The following MACROD2 variants were observed in gnomAD, a reference collection of about 807,000 sequenced individuals.
MACROD2 encodes ADP-ribose glycohydrolase MACROD2.
MACROD2 carries 36 observed loss-of-function variants against 70.4 expected under a neutral mutation model. The observed-to-expected ratio is 0.51, with a 90% CI of 0.39 to 0.68. The LOEUF is 0.68. MACROD2 is among the 30% of genes least tolerant of loss of function. MACROD2 has a pLI of 0.00. For missense variants in MACROD2, 496 were observed against 538.4 expected (o/e 0.92, Z 0.78); for synonymous variants, 172 against 178.8 (o/e 0.96, Z 0.30).
chr20:15,620,693 C>G (rs544202376), intron 8 of MACROD2, among the ~76,000 whole-genome samples: 1 of 152,138 alleles, frequency 6.6e-6, no homozygotes, highest in Admixed American at 6.5e-5. Context: ...TACAGAGACT[C>G]CAGAGAGAAC....
chr20:14,515,391 T>C (rs1202335144), intron 4 of MACROD2, among the ~76,000 whole-genome samples: 1 of 150,656 alleles, frequency 6.6e-6, no homozygotes, highest in African/African-American at 2.4e-5. Flanking sequence ...ATTATTCACA[T>C]AGCCAAGATA....
rs182420492 is a variant in MACROD2 at position 15,244,558 on chromosome 20, A to G, written c.540+14497A>G. Among the ~76,000 whole-genome samples, 303 of 152,168 alleles carry G rather than the reference A, an allele frequency of 2.0e-3. 1 individual carries two copies. The highest frequency in any genetic ancestry group is 6.0e-3 in the African/African-American group (251 of 41,550). On this transcript the variant is annotated intron_variant, in intron 6 of 17. Transcript: ENST00000684519. ...CCTGCACCCCAGATTGCTGTTTTTT[A>G]TGGTTGAATAGGCAGACACTTCTTT...
intron 4 of MACROD2, among the ~76,000 whole-genome samples, chr20:14,502,970 A>G (rs1359752736): frequency 6.6e-6 from 1 of 152,228 alleles, no homozygotes; most frequent in Non-Finnish European, 1.5e-5. Context: ...ATACTAGAGT[A>G]TGAGGAATTC....
intron 12 of MACROD2, among the ~76,000 whole-genome samples, chr20:15,939,791 G>A (rs2065723412): frequency 6.6e-6 from 1 of 152,104 alleles, no homozygotes; most frequent in Non-Finnish European, 1.5e-5. Flanking sequence ...TATTCTAGAT[G>A]ACATTAAGAA....
intron 3 of MACROD2, among the ~76,000 whole-genome samples, chr20:14,470,348 T>C (rs1290295872): frequency 6.6e-6 from 1 of 152,044 alleles, no homozygotes; most frequent in Non-Finnish European, 1.5e-5. Context: ...AGCTCTCCTA[T>C]ATGAGATGTC....
intron 9 of MACROD2, among the ~76,000 whole-genome samples, chr20:15,866,966 C>T (rs1177581713): frequency 1.3e-5 from 2 of 152,136 alleles, no homozygotes; most frequent in African/African-American, 4.8e-5. Context: ...CAAAGTACCA[C>T]AGAGCAGGCG....
At chr20:15,215,159 T>G (rs2076798550) in intron 5 of MACROD2, among the ~76,000 whole-genome samples, 1 of 152,062 alleles carries the variant, frequency 6.6e-6, no homozygotes, top group Non-Finnish European at 1.5e-5. Context: ...CTTAAAACAA[T>G]GCTGTCATCA....
intron 3 of MACROD2, among the ~76,000 whole-genome samples, chr20:14,088,717 C>T (rs1430631012): frequency 6.6e-6 from 1 of 152,186 alleles, no homozygotes; most frequent in African/African-American, 2.4e-5. Context: ...GGAAGCCACA[C>T]ACTAGTGCCA....
chr20:16,001,348 G>T (rs1290683789), intron 15 of MACROD2, among the ~76,000 whole-genome samples: 1 of 152,138 alleles, frequency 6.6e-6, no homozygotes, highest in Non-Finnish European at 1.5e-5. Context: ...TTTATTTTAT[G>T]ACATCTGCTG....
At chr20:15,853,374 C>T (rs2064321634) in intron 8 of MACROD2, among the ~76,000 whole-genome samples, 1 of 152,074 alleles carries the variant, frequency 6.6e-6, no homozygotes, top group African/African-American at 2.4e-5. Flanking sequence ...GTACACAGAC[C>T]TCCCAATTTT....
chr20:15,937,038 C>T (rs1376283125), intron 11 of MACROD2, among the ~76,000 whole-genome samples: 1 of 152,154 alleles, frequency 6.6e-6, no homozygotes, highest in Non-Finnish European at 1.5e-5. Flanking sequence ...TGCAGTTTGA[C>T]AGCCTGGCAT....
chr20:14,549,546 TA>T (rs1231075681), intron 4 of MACROD2, among the ~76,000 whole-genome samples: 24 of 152,298 alleles, frequency 1.6e-4, no homozygotes, highest in African/African-American at 5.5e-4. Flanking sequence ...TGATTTCTTT[TA>T]AATCACATAG....
At chr20:15,007,586 T>C (rs887229182) in intron 5 of MACROD2, among the ~76,000 whole-genome samples, 1 of 152,180 alleles carries the variant, frequency 6.6e-6, no homozygotes, top group Non-Finnish European at 1.5e-5. Flanking sequence ...TTAGGTATTT[T>C]AAGTTAAAGG....
chr20:14,188,549 T>C (rs1330858553), intron 3 of MACROD2, among the ~76,000 whole-genome samples: 1 of 152,176 alleles, frequency 6.6e-6, no homozygotes, highest in Non-Finnish European at 1.5e-5. Flanking sequence ...CAGGATTTTC[T>C]TATAAAAACA....
chr20:15,610,639 G>A (rs2048954109), intron 8 of MACROD2, among the ~76,000 whole-genome samples: 1 of 152,154 alleles, frequency 6.6e-6, no homozygotes, highest in Admixed American at 6.5e-5. Flanking sequence ...ACAGGTTCCA[G>A]GTGGGCATAT....
At chr20:14,426,296 T>C (rs1239420991) in intron 3 of MACROD2, among the ~76,000 whole-genome samples, 1 of 152,092 alleles carries the variant, frequency 6.6e-6, no homozygotes, top group East Asian at 1.9e-4. Context: ...TATTTTTTGT[T>C]TCCAAGACTT....
chr20:14,098,924 G>C (rs180947276), intron 3 of MACROD2, among the ~76,000 whole-genome samples: 76 of 152,188 alleles, frequency 5.0e-4, no homozygotes, highest in Non-Finnish European at 8.4e-4. Context: ...CACACACACA[G>C]AAATATATAG....
chr20:14,297,192 C>G (rs2082434882), intron 3 of MACROD2, among the ~76,000 whole-genome samples: 1 of 151,778 alleles, frequency 6.6e-6, no homozygotes, highest in African/African-American at 2.4e-5. Flanking sequence ...TCTGGCTTCC[C>G]TCTTCCCTGA....
chr20:15,859,992 G>A (rs578131176), intron 8 of MACROD2, among the ~76,000 whole-genome samples: 32 of 152,126 alleles, frequency 2.1e-4, no homozygotes, highest in African/African-American at 6.7e-4. Context: ...AAAATTAGCC[G>A]GGCATGGTGG....
Sources: allele counts gnomAD v4.1 joint callset (sites outside exome capture counted in the v4.1 genomes callset), GRCh38; gene constraint gnomAD v4.1.1; transcripts MANE v1.5; gene names NCBI Gene and HGNC (gene_info 2026-07-23, HGNC 2026-07-21).